Variants in CHSY3 observed in about 807,000 individuals in gnomAD.
CHSY3 encodes chondroitin sulfate synthase 3.
Under a neutral mutation model 67.2 loss-of-function variants are expected in CHSY3, and 35 were observed. That is an observed-to-expected ratio of 0.52 (90% CI 0.40 to 0.69). The LOEUF is 0.69. Among genes scored for constraint, CHSY3 ranks in the 30% least tolerant of loss-of-function variants. The pLI, the probability that CHSY3 is intolerant of heterozygous loss-of-function variation, is 0.00. For missense variants in CHSY3, 1,069 were observed against 1,138.5 expected (o/e 0.94, Z 0.88); for synonymous variants, 474 against 434.7 (o/e 1.09, Z -1.12).
At chr5:130,128,253 T>TGCGC (rs1554084711) in intron 2 of CHSY3, among the ~76,000 whole-genome samples, 2 of 150,908 alleles carry the variant, frequency 1.3e-5, no homozygotes, top group African/African-American at 4.9e-5. Flanking sequence ...TGTGTGTGTG[T>TGCGC]GCGCTCACAT....
At chr5:129,980,978 G>T (rs1435137563) in intron 2 of CHSY3, among the ~76,000 whole-genome samples, 1 of 151,628 alleles carries the variant, frequency 6.6e-6, no homozygotes, top group Non-Finnish European at 1.5e-5. Context: ...AGGCCGAGGC[G>T]GGCGGATTAC....
intron 2 of CHSY3, among the ~76,000 whole-genome samples, chr5:130,107,819 G>C (rs1767460054): frequency 6.6e-6 from 1 of 151,470 alleles, no homozygotes; most frequent in South Asian, 2.1e-4. Flanking sequence ...TCTCCACCCT[G>C]CCCCACAATC....
intron 2 of CHSY3, among the ~76,000 whole-genome samples, chr5:129,943,751 G>A (rs57263922): frequency 0.025 from 3,876 of 152,234 alleles, 171 homozygotes; most frequent in African/African-American, 0.087. Flanking sequence ...GAATAATTAA[G>A]TTTTATCATC....
At chr5:130,134,051 T>C (rs2149715368) in intron 2 of CHSY3, among the ~76,000 whole-genome samples, 1 of 152,332 alleles carries the variant, frequency 6.6e-6, no homozygotes, top group African/African-American at 2.4e-5. Flanking sequence ...TTCCACTAAT[T>C]TTTTAAGCAA....
At chr5:129,932,140 A>ATATATATGTATG (rs1183646627) in intron 2 of CHSY3, among the ~76,000 whole-genome samples, 6 of 136,346 alleles carry the variant, frequency 4.4e-5, no homozygotes, top group African/African-American at 1.5e-4. Context: ...ATATATATAT[A>ATATATATGTATG]TATGTATATG....
chr5:130,068,279 CA>C (rs1765949276), intron 2 of CHSY3, among the ~76,000 whole-genome samples: 1 of 152,078 alleles, frequency 6.6e-6, no homozygotes, highest in African/African-American at 2.4e-5. Context: ...ATGGAATATC[CA>C]CTAATTGCCC....
Position 130,185,772 on chromosome 5 carries a change from A to G in CHSY3, c.2630A>G (p.Tyr877Cys). The change falls in exon 3 of 3, where the codon TAC becomes TGC. Residue 877 changes from tyrosine (Y) to cysteine (C), a missense_variant. Around this residue, in one of 5 missense-constraint regions of CHSY3, gnomAD observed 139 missense variants for 152.8 expected, o/e 0.91. Transcript: ENST00000305031. ...CTTGAAAAACATTTAGGTGTCAGGTACAATCGAACTCTCTCCTGACAGTCC... is the reference window on the plus strand; with the variant it reads ...CTTGAAAAACATTTAGGTGTCAGGTGCAATCGAACTCTCTCCTGACAGTCC... ...LWLEKHLGVR[Y>C]NRTLS 2 of 1,600,988 alleles carry G rather than the reference A, an allele frequency of 1.2e-6. No homozygotes were observed. Among genetic ancestry groups the G allele is most frequent in the Non-Finnish European group, 1.7e-6 (2 of 1,171,800 alleles).
At position 130,137,436 on chromosome 5, in the gene CHSY3, G is replaced by A. The variant is rs73788405; in HGVS notation, c.1087-46793G>A. Among the ~76,000 whole-genome samples the A allele has an allele frequency of 2.1e-3, 320 of 151,854 alleles. 1 individual carries two copies. Among genetic ancestry groups the A allele is most frequent in the African/African-American group, 7.5e-3 (311 of 41,406 alleles). On this transcript the variant is annotated intron_variant, in intron 2 of 2. Transcript: ENST00000305031. ...TATCTTCTTGGTTTTCAATCATTTT[G>A]CCATCCTGATCCTTTTTCCCTGAAG...
At chr5:130,144,139 A>T (rs1436421567) in intron 2 of CHSY3, among the ~76,000 whole-genome samples, 1 of 151,724 alleles carries the variant, frequency 6.6e-6, no homozygotes, top group African/African-American at 2.4e-5. Context: ...CAAGCAAAAA[A>T]AAAAATTCAC....
intron 2 of CHSY3, among the ~76,000 whole-genome samples, chr5:130,009,077 A>G (rs1265036096): frequency 1.3e-5 from 2 of 152,196 alleles, no homozygotes; most frequent in African/African-American, 4.8e-5. Context: ...CAACTTAACT[A>G]GAGAGGTCAA....
rs368591403 is a variant in CHSY3, at chr5:129,905,805, C to G, written c.802+174C>G. 4.1e-5 allele frequency: 56 copies of G among 1,352,716 alleles called. No individual in the cohort carries two copies. The East Asian group carries it at 7.3e-4, about 18-fold the overall frequency. 83.8% of individuals were successfully genotyped at this position (1,352,716 alleles called of 1,614,324 possible). A position where few individuals can be genotyped will look rare whatever the true frequency, so the allele number is the denominator to read the frequency against. On this transcript the variant is annotated intron_variant, in intron 1 of 2. Transcript: ENST00000305031. ...TTGCATCCGCCCACAATTCGTAGCC[C>G]GTTCCTCGTCTTCTGCAATCTGGAC...
At chr5:130,087,208 G>A (rs1323731572) in intron 2 of CHSY3, among the ~76,000 whole-genome samples, 2 of 151,612 alleles carry the variant, frequency 1.3e-5, no homozygotes, top group Admixed American at 6.6e-5. Context: ...GGTATTGATG[G>A]GATGTATCTC....
At chr5:130,055,396 CATCCA>C (rs201791779) in intron 2 of CHSY3, among the ~76,000 whole-genome samples, 8,470 of 151,648 alleles carry the variant, frequency 0.056, 357 homozygotes, top group Non-Finnish European at 0.082. Flanking sequence ...TAAGTAAATA[CATCCA>C]TTAATAACTA....
intron 2 of CHSY3, among the ~76,000 whole-genome samples, chr5:129,994,590 A>T (rs1336345855): frequency 6.6e-6 from 1 of 152,088 alleles, no homozygotes; most frequent in Non-Finnish European, 1.5e-5. Context: ...ATAAAGACAC[A>T]TGCACACGTG....
intron 2 of CHSY3, among the ~76,000 whole-genome samples, chr5:130,060,752 T>G (rs566745299): frequency 1.2e-3 from 176 of 152,130 alleles, no homozygotes; most frequent in African/African-American, 4.1e-3. Flanking sequence ...TCAGTAGCAT[T>G]TCCATATACT....
intron 2 of CHSY3, among the ~76,000 whole-genome samples, chr5:130,168,836 C>T (rs1392343119): frequency 6.6e-6 from 1 of 152,094 alleles, no homozygotes; most frequent in Non-Finnish European, 1.5e-5. Context: ...GCCAAAATTA[C>T]ACAGCTGTCT....
At chr5:130,020,406 C>A in intron 2 of CHSY3, among the ~76,000 whole-genome samples, 2 of 137,082 alleles carry the variant, frequency 1.5e-5, no homozygotes, top group Admixed American at 7.4e-5. Flanking sequence ...GGCAACAAAG[C>A]AAGACTTCAT....
At chr5:129,984,262 T>C (rs545691593) in intron 2 of CHSY3, among the ~76,000 whole-genome samples, 5 of 152,292 alleles carry the variant, frequency 3.3e-5, no homozygotes, top group African/African-American at 1.2e-4. Context: ...CTCACACTTA[T>C]TAGTTAAAAC....
intron 2 of CHSY3, among the ~76,000 whole-genome samples, chr5:130,143,833 T>C (rs1580778039): frequency 7.5e-6 from 1 of 133,442 alleles, no homozygotes; most frequent in Non-Finnish European, 1.6e-5. Context: ...TATATATATA[T>C]ATATATATAT....
Sources: allele counts gnomAD v4.1 joint callset (sites outside exome capture counted in the v4.1 genomes callset), GRCh38; gene constraint gnomAD v4.1.1; regional missense constraint gnomAD v4.1.1; transcripts MANE v1.5; gene names NCBI Gene and HGNC (gene_info 2026-07-23, HGNC 2026-07-21).